RTCA: variants seen among roughly 807,000 people sequenced by gnomAD.
RTCA encodes the protein RNA 3'-terminal phosphate cyclase.
A neutral mutation model predicts 46.1 loss-of-function variants in RTCA; 37 were observed. The ratio of observed to expected loss-of-function variants is 0.80; its 90% CI spans 0.62 to 1.06. The LOEUF (loss-of-function observed/expected upper bound fraction) is 1.06, where lower values mean the gene tolerates loss of function less well. Among genes scored for constraint, RTCA ranks in the 50% least tolerant of loss-of-function variants. RTCA has a pLI of 0.00. For missense variants in RTCA, 435 were observed against 455.5 expected (o/e 0.95, Z 0.41); for synonymous variants, 164 against 158.3 (o/e 1.04, Z -0.27).
rs760342764 is a variant in RTCA at position 100,275,731 on chromosome 1, A to G, written c.740+8A>G. 17 of 1,602,372 alleles carry G rather than the reference A, an allele frequency of 1.1e-5. No homozygotes were observed. In the South Asian group the frequency reaches 1.6e-4, roughly 15 times the overall value. On this transcript the variant is annotated splice_region_variant and intron_variant, in intron 7 of 10. Transcript: ENST00000370128. ...CAATGGAAATGGAATAATGTGAGACAATACTTTTTCCTACACATTAGTTGA... is the reference window on the plus strand; with the variant it reads ...CAATGGAAATGGAATAATGTGAGACGATACTTTTTCCTACACATTAGTTGA...
At chr1:100,277,195 T>C in intron 7 of RTCA, 63 bp from the exon 8 acceptor site, 1 of 1,445,386 alleles carries the variant, frequency 6.9e-7, no homozygotes, top group Non-Finnish European at 9.7e-7. Context: ...TTCTCTTTTG[T>C]TGTATTTGCA....
chr1:100,266,958 A>C (rs138572682), intron 2 of RTCA: 203 of 350,046 alleles, frequency 5.8e-4, no homozygotes, highest in African/African-American at 3.1e-3. Context: ...GATAGGGCAG[A>C]AATGCTTGTG....
At chr1:100,272,640 C>T (rs1191799656) in intron 4 of RTCA, among the ~76,000 whole-genome samples, 2 of 150,712 alleles carry the variant, frequency 1.3e-5, no homozygotes, top group Non-Finnish European at 3.0e-5. Context: ...AGACATCAGG[C>T]TTAAACACCA....
rs371431747 is a variant in RTCA, at chr1:100,291,548, T to C, written c.*44T>C. On this transcript the variant is annotated 3_prime_UTR_variant, in exon 11 of 11. Transcript: ENST00000370128. Reference sequence around the variant, plus strand: ...GATACCTCATTGATATATTGCACTATTTCATAAATACTATAAAATAATGAC... The same window carrying C: ...GATACCTCATTGATATATTGCACTACTTCATAAATACTATAAAATAATGAC... 1.9e-5 allele frequency: 22 copies of C among 1,128,842 alleles called. No individual in the cohort carries two copies. In the African/African-American group the frequency reaches 2.5e-4, roughly 13 times the overall value. 69.9% of individuals were successfully genotyped at this position (1,128,842 alleles called of 1,614,324 possible).
At position 100,291,702 on chromosome 1, in the gene RTCA, CAGTT is replaced by C. The variant is rs1261923881; in HGVS notation, c.*199_*202del. 4 of 361,936 alleles carry C rather than the reference CAGTT, an allele frequency of 1.1e-5. No homozygotes were observed. Among genetic ancestry groups the C allele is most frequent in the Middle Eastern group, 7.2e-4 (1 of 1,396 alleles). The allele number at this position is 361,936 out of a possible 1,614,324, so 22.4% of individuals were successfully genotyped here. ...TCCTGAGAGATGGACAATGAAATAT[CAGTT>C]GGTGGATATGTGTGATAGCTGATTT... On this transcript the variant is annotated 3_prime_UTR_variant, in exon 11 of 11. Coordinates refer to ENST00000370128, the MANE Select transcript of RTCA (RefSeq NM_003729.4).
chr1:100,268,876 G>A (rs1455029905), intron 3 of RTCA, among the ~76,000 whole-genome samples: 2 of 152,044 alleles, frequency 1.3e-5, no homozygotes, highest in Non-Finnish European at 2.9e-5. Context: ...CTTTGGAGAA[G>A]GGAGATAATG....
At chr1:100,285,174 AT>A (rs1666950941) in intron 8 of RTCA, 53 bp from the exon 9 acceptor site, 1 of 1,376,322 alleles carries the variant, frequency 7.3e-7, no homozygotes, top group African/African-American at 1.6e-5. Context: ...TCTCTTAGTA[AT>A]TAGTTTTGTT....
At position 100,266,273 on chromosome 1, in the gene RTCA, A is replaced by C; in HGVS notation, c.-103A>C. The C allele has an allele frequency of 6.9e-7, 1 of 1,442,442 alleles. No individual in the cohort carries two copies. Among genetic ancestry groups the C allele is most frequent in the Non-Finnish European group, 9.5e-7 (1 of 1,054,764 alleles). 89.4% of individuals were successfully genotyped at this position (1,442,442 alleles called of 1,614,324 possible). On this transcript the variant is annotated 5_prime_UTR_variant, in exon 1 of 11. The change abolishes an upstream ATG in the 5' untranslated region. Coordinates refer to ENST00000370128, the MANE Select transcript of RTCA (RefSeq NM_003729.4). ...CTCGTCAGGCTCCTGCGCCCCAGGC[A>C]TGAACCAAGGTTTCTGAACTACTGG...
At chr1:100,287,431 A>G (rs1020487675) in intron 10 of RTCA, among the ~76,000 whole-genome samples, 2 of 152,196 alleles carry the variant, frequency 1.3e-5, no homozygotes, top group Admixed American at 6.5e-5. Context: ...AGTGAGGCAG[A>G]GAGATTCATT....
In RTCA at chr1:100,292,659, CAATT is replaced by C. The variant is rs1400543115; in HGVS notation, c.*1158_*1161del. 1 of 152,164 alleles carries C rather than the reference CAATT, an allele frequency of 6.6e-6. No homozygotes were observed. Among genetic ancestry groups the C allele is most frequent in the Non-Finnish European group, 1.5e-5 (1 of 68,022 alleles). 9.4% of individuals were successfully genotyped at this position (152,164 alleles called of 1,614,324 possible). A position where few individuals can be genotyped will look rare whatever the true frequency, so the allele number is the denominator to read the frequency against. On this transcript the variant is annotated 3_prime_UTR_variant, in exon 11 of 11. Transcript: ENST00000370128. ...AGCCAAATATGTTTTGGAAGCCAAA[CAATT>C]AAGAGAAGTAAAATTTTAACCCTAG... is the stretch of plus-strand genomic sequence containing the variant.
At chr1:100,277,884 G>A (rs537940536) in intron 8 of RTCA, among the ~76,000 whole-genome samples, 1 of 150,336 alleles carries the variant, frequency 6.7e-6, no homozygotes, top group South Asian at 2.1e-4. Context: ...CTTTTTTGTT[G>A]TTGTTCATTT....
chr1:100,282,103 A>C (rs1666739741), intron 8 of RTCA, among the ~76,000 whole-genome samples: 1 of 152,246 alleles, frequency 6.6e-6, no homozygotes. Flanking sequence ...AAAAGCATTA[A>C]GATTTCAGAA....
chr1:100,267,630 C>G, intron 2 of RTCA: 4 of 1,332,816 alleles, frequency 3.0e-6, no homozygotes, highest in Non-Finnish European at 3.9e-6. Flanking sequence ...TACCTTGCCC[C>G]TAGCGTCTCT....
chr1:100,292,407 A>C lies in RTCA; in HGVS notation c.*903A>C, dbSNP rs1667401070. The C allele has an allele frequency of 6.6e-6, 1 of 152,060 alleles. No individual in the cohort carries two copies. The highest frequency in any genetic ancestry group is 1.5e-5 in the Non-Finnish European group (1 of 68,114). 9.4% of individuals were successfully genotyped at this position (152,060 alleles called of 1,614,324 possible). A position where few individuals can be genotyped will look rare whatever the true frequency, so the allele number is the denominator to read the frequency against. On this transcript the variant is annotated 3_prime_UTR_variant, in exon 11 of 11. Transcript: ENST00000370128. ...AACCTCCGCCTTCCAGGTTGAAGTG[A>C]TTCTCCAGCCTCAGCCTCCCGAGTA... is the stretch of plus-strand genomic sequence containing the variant.
intron 4 of RTCA, among the ~76,000 whole-genome samples, chr1:100,271,333 C>T (rs1666079225): frequency 6.6e-6 from 1 of 151,736 alleles, no homozygotes; most frequent in African/African-American, 2.4e-5. Context: ...AAAAATTAGC[C>T]AGGCATGGTG....
intron 8 of RTCA, among the ~76,000 whole-genome samples, chr1:100,280,526 C>T (rs969389425): frequency 2.0e-5 from 3 of 152,146 alleles, no homozygotes; most frequent in African/African-American, 7.2e-5. Context: ...TGACTGACTC[C>T]TCCTGGTATC....
chr1:100,281,936 G>A (rs925043408), intron 8 of RTCA, among the ~76,000 whole-genome samples: 1 of 152,006 alleles, frequency 6.6e-6, no homozygotes, highest in South Asian at 2.1e-4. Flanking sequence ...GGCTGGTTTC[G>A]AACTCCTGAC....
chr1:100,283,370 C>A (rs1666827108), intron 8 of RTCA, among the ~76,000 whole-genome samples: 2 of 151,780 alleles, frequency 1.3e-5, no homozygotes, highest in South Asian at 4.2e-4. Context: ...CCATGTTGGC[C>A]AGTCTGGTCT....
chr1:100,274,727 A>G (rs1666280061), intron 5 of RTCA, 97 bp from the exon 6 acceptor site: 1 of 1,264,224 alleles, frequency 7.9e-7, no homozygotes, highest in South Asian at 1.8e-5. Context: ...CATGGATTAC[A>G]TGTTTGGATA....
Sources: gnomAD v4.1 joint callset for allele counts (sites outside exome capture counted in the v4.1 genomes callset) on GRCh38, gnomAD v4.1.1 for gene constraint, MANE v1.5 for transcripts, NCBI Gene and HGNC (gene_info 2026-07-23, HGNC 2026-07-21) for gene names.